The following MTRF1 variants were observed in gnomAD, a reference collection of about 807,000 sequenced individuals.
The protein encoded by MTRF1 is peptide chain release factor 1, mitochondrial.
In MTRF1, 51 loss-of-function variants were observed where a neutral mutation model predicts 62.9. That is an observed-to-expected ratio of 0.81 (90% CI 0.65 to 1.02). MTRF1 has a LOEUF of 1.02. Among genes scored for constraint, MTRF1 ranks in the 50% least tolerant of loss-of-function variants. The pLI is 0.00. For missense variants in MTRF1, 446 were observed against 530.0 expected (o/e 0.84, Z 1.56); for synonymous variants, 158 against 181.9 (o/e 0.87, Z 1.06).
chr13:41,231,878 C>CAA (rs57305711), intron 7 of MTRF1, among the ~76,000 whole-genome samples: 3 of 104,082 alleles, frequency 2.9e-5, no homozygotes, highest in Admixed American at 1.0e-4. Context: ...TGGTGTCTAC[C>CAA]AAAAAAAAAA....
chr13:41,282,471 T>C, the MTRF1 span, among the ~76,000 whole-genome samples: 2 of 152,186 alleles, frequency 1.3e-5, no homozygotes, highest in African/African-American at 4.8e-5. Context: ...GAAGTAATAA[T>C]TAACTGCCTG....
the MTRF1 span, among the ~76,000 whole-genome samples, chr13:41,273,198 C>T: frequency 6.3e-4 from 96 of 151,880 alleles, no homozygotes; most frequent in South Asian, 4.2e-4. Flanking sequence ...TGGTGGTGGG[C>T]GCCTGTAGTC....
At chr13:41,306,577 G>A in the MTRF1 span, among the ~76,000 whole-genome samples, 1 of 152,186 alleles carries the variant, frequency 6.6e-6, no homozygotes, top group Admixed American at 6.5e-5. Flanking sequence ...TGGAAGACAT[G>A]CACGTATATG....
the MTRF1 span, among the ~76,000 whole-genome samples, chr13:41,271,091 A>ACACACACCCC: frequency 7.3e-6 from 1 of 137,128 alleles, no homozygotes; most frequent in African/African-American, 2.7e-5. Context: ...ACACACACAC[A>ACACACACCCC]CCCCATATAG....
In MTRF1 at chr13:41,250,731, G is replaced by T. The variant is rs114945883; in HGVS notation, c.697+1914C>A. ...CTGGTCTCGAACTGTCTCCCGAAGT[G>T]CTGGGATTATAGGCGTGAGCCACTG... On this transcript the variant is annotated intron_variant, in intron 5 of 9. Coordinates refer to ENST00000379480, the MANE Select transcript of MTRF1 (RefSeq NM_004294.4). Among the ~76,000 whole-genome samples the T allele has an allele frequency of 3.8e-3, 573 of 152,200 alleles. 6 individuals carry two copies. Among genetic ancestry groups the T allele is most frequent in the African/African-American group, 0.013 (544 of 41,546 alleles).
the MTRF1 span, among the ~76,000 whole-genome samples, chr13:41,288,620 G>A: frequency 6.6e-6 from 1 of 152,132 alleles, no homozygotes; most frequent in African/African-American, 2.4e-5. Context: ...TTTTTGCATT[G>A]TTGGAATTTG....
chr13:41,273,515 A>G, the MTRF1 span, among the ~76,000 whole-genome samples: 1 of 152,118 alleles, frequency 6.6e-6, no homozygotes, highest in Non-Finnish European at 1.5e-5. Flanking sequence ...ATCAGAGCAT[A>G]GTTTGGTTTT....
At chr13:41,239,637 C>T (rs1273735910) in intron 6 of MTRF1, among the ~76,000 whole-genome samples, 3 of 151,936 alleles carry the variant, frequency 2.0e-5, no homozygotes, top group South Asian at 4.2e-4. Flanking sequence ...ATACATGGTC[C>T]CCATACTGAT....
rs144801190 is a variant in MTRF1 at position 41,244,608 on chromosome 13, A to C, written c.698-4175T>G. 5.7e-3 allele frequency among the ~76,000 whole-genome samples: 862 copies of C among 152,302 alleles called. 12 individuals carry two copies. Among genetic ancestry groups the C allele is most frequent in the African/African-American group, 0.019 (805 of 41,556 alleles). ...CATATGGTATGACAGAGGTGATACT[A>C]TGTCACCTTCCGAGGTTAGATTATA... On this transcript the variant is annotated intron_variant, in intron 5 of 9. Transcript: ENST00000379480.
At chr13:41,250,497 ATT>A (rs772309997) in intron 5 of MTRF1, among the ~76,000 whole-genome samples, 5 of 144,170 alleles carry the variant, frequency 3.5e-5, no homozygotes, top group Admixed American at 1.4e-4. Flanking sequence ...TTTACTCCAA[ATT>A]TTTTTTTTTT....
intron 1 of MTRF1, chr13:41,263,203 T>G: frequency 8.4e-7 from 1 of 1,186,166 alleles, no homozygotes; most frequent in East Asian, 5.7e-5. Context: ...TGCATAATTT[T>G]CAAGGTCATG....
chr13:41,239,879 G>A (rs779884559), intron 6 of MTRF1, among the ~76,000 whole-genome samples: 3 of 152,202 alleles, frequency 2.0e-5, no homozygotes, highest in African/African-American at 7.2e-5. Flanking sequence ...AACAGATTTC[G>A]GCTGGGTGCG....
chr13:41,237,329 C>T (rs1758904242), intron 6 of MTRF1, among the ~76,000 whole-genome samples: 1 of 150,238 alleles, frequency 6.7e-6, no homozygotes. Context: ...CTTTTTTAAC[C>T]ATGTAAATGT....
the MTRF1 span, among the ~76,000 whole-genome samples, chr13:41,308,087 C>T: frequency 6.6e-6 from 1 of 151,956 alleles, no homozygotes; most frequent in African/African-American, 2.4e-5. Context: ...ACGTGAAGAA[C>T]CTTCCTGGGC....
Position 41,234,016 on chromosome 13 carries a change from G to C in MTRF1, c.871-9C>G. On this transcript the variant is annotated splice_polypyrimidine_tract_variant and intron_variant, in intron 6 of 9. Transcript: ENST00000379480. ...TCCAATTTCACATCCACCTAGAACA[G>C]AAGGCATGGCATAATTCTACACTCC... The C allele has an allele frequency of 6.3e-7, 1 of 1,584,132 alleles. No homozygotes were observed. Among genetic ancestry groups the C allele is most frequent in the Non-Finnish European group, 8.7e-7 (1 of 1,152,924 alleles).
chr13:41,270,178 A>G, the MTRF1 span, among the ~76,000 whole-genome samples: 2 of 152,324 alleles, frequency 1.3e-5, no homozygotes, highest in East Asian at 1.9e-4. Context: ...GGTTAGGATA[A>G]TTATGAAATT....
chr13:41,226,626 C>A, intron 7 of MTRF1, 58 bp from the exon 8 acceptor site: 1 of 1,579,904 alleles, frequency 6.3e-7, no homozygotes, highest in Non-Finnish European at 8.6e-7. Context: ...TAAGATAGAA[C>A]CAAGGAACAG....
At chr13:41,289,622 C>G in the MTRF1 span, among the ~76,000 whole-genome samples, 1 of 152,198 alleles carries the variant, frequency 6.6e-6, no homozygotes, top group East Asian at 1.9e-4. Flanking sequence ...CAAAGTCAAA[C>G]TTGCACCAGA....
chr13:41,293,121 C>T, the MTRF1 span, among the ~76,000 whole-genome samples: 1 of 151,884 alleles, frequency 6.6e-6, no homozygotes, highest in African/African-American at 2.4e-5. Flanking sequence ...TATCTCATGA[C>T]TAAAATTCTA....
Sources: gnomAD v4.1 joint callset for allele counts (sites outside exome capture counted in the v4.1 genomes callset) on GRCh38, gnomAD v4.1.1 for gene constraint, MANE v1.5 for transcripts, NCBI Gene and HGNC (gene_info 2026-07-23, HGNC 2026-07-21) for gene names.